DACH1: variants seen among roughly 807,000 people sequenced by gnomAD.
The protein encoded by DACH1 is dachshund family transcription factor 1.
Under a neutral mutation model 54.2 loss-of-function variants are expected in DACH1, and 12 were observed. That is an observed-to-expected ratio of 0.22 (90% CI 0.14 to 0.36). DACH1 has a LOEUF of 0.36. DACH1 is among the 10% of genes least tolerant of loss of function. DACH1 has a pLI of 1.00. For missense variants in DACH1, 805 were observed against 929.8 expected, an observed-to-expected ratio of 0.87 and a Z score of 1.75; for synonymous variants, 386 against 366.2, an observed-to-expected ratio of 1.05 and a Z score of -0.62.
chr13:71,717,507 C>CACACAA (rs1883030942), intron 1 of DACH1, among the ~76,000 whole-genome samples: 1 of 29,206 alleles, frequency 3.4e-5, no homozygotes, highest in Non-Finnish European at 2.5e-4. Flanking sequence ...TGTGTAATCA[C>CACACAA]ACACACACAC....
At chr13:71,718,503 G>A (rs1883085317) in intron 1 of DACH1, among the ~76,000 whole-genome samples, 1 of 147,294 alleles carries the variant, frequency 6.8e-6, no homozygotes, top group Non-Finnish European at 1.5e-5. Context: ...TTGTGTCAGG[G>A]AAATCCAAAA....
intron 2 of DACH1, among the ~76,000 whole-genome samples, chr13:71,644,773 A>T (rs1566402285): frequency 6.6e-6 from 1 of 152,120 alleles, no homozygotes. Context: ...TCTGAACATG[A>T]TGGCTGCTTA....
chr13:71,529,823 A>C (rs190409665), intron 6 of DACH1, among the ~76,000 whole-genome samples: 13 of 152,314 alleles, frequency 8.5e-5, no homozygotes, highest in African/African-American at 3.1e-4. Context: ...GATAAGATCC[A>C]AAGTAACTGA....
At chr13:71,510,343 T>C (rs1035654256) in intron 6 of DACH1, among the ~76,000 whole-genome samples, 4 of 152,036 alleles carry the variant, frequency 2.6e-5, no homozygotes, top group African/African-American at 4.8e-5. Flanking sequence ...ACCTTTTGCC[T>C]GAAGTGCCCT....
intron 1 of DACH1, among the ~76,000 whole-genome samples, chr13:71,747,472 T>G (rs192041756): frequency 6.6e-6 from 1 of 152,168 alleles, no homozygotes; most frequent in Admixed American, 6.5e-5. Flanking sequence ...TCCCAGCTAC[T>G]AGGAAGGCTG....
At chr13:71,715,589 A>G (rs1882930239) in intron 1 of DACH1, among the ~76,000 whole-genome samples, 1 of 152,020 alleles carries the variant, frequency 6.6e-6, no homozygotes, top group Non-Finnish European at 1.5e-5. Flanking sequence ...TATTATACAG[A>G]AATTTTAACA....
At chr13:71,839,322 C>T (rs9542757) in intron 1 of DACH1, among the ~76,000 whole-genome samples, 49,400 of 151,914 alleles carry the variant, frequency 0.33, 9,682 homozygotes, top group African/African-American at 0.54. Flanking sequence ...CATTATTTTA[C>T]GGTTAAAACT....
chr13:71,590,863 G>A (rs1593947614), intron 3 of DACH1, among the ~76,000 whole-genome samples: 1 of 138,310 alleles, frequency 7.2e-6, no homozygotes, highest in African/African-American at 2.7e-5. Flanking sequence ...CTCTGTCTCT[G>A]TCTCTCTCTT....
intron 10 of DACH1, among the ~76,000 whole-genome samples, chr13:71,452,187 T>C (rs1875121416): frequency 6.6e-6 from 1 of 152,188 alleles, no homozygotes; most frequent in Admixed American, 6.5e-5. Context: ...TGGAGTGCAA[T>C]GGCACTATCT....
rs559350762 is a variant in DACH1 at position 71,475,946 on chromosome 13, G to A, written c.1871-97C>T. 5 of 942,160 alleles carry A rather than the reference G, an allele frequency of 5.3e-6. No individual in the cohort carries two copies. In the South Asian group the frequency reaches 1.4e-4, roughly 25 times the overall value. 58.4% of individuals were successfully genotyped at this position (942,160 alleles called of 1,614,324 possible). On this transcript the variant is annotated intron_variant, in intron 8 of 10. Transcript: ENST00000613252. ...CTATATTTTTTATATTATTCATTTT[G>A]TTTTCCTGCTGAACTGAGTCTACCT... is the stretch of plus-strand genomic sequence containing the variant.
chr13:71,712,153 C>A (rs976272350), intron 1 of DACH1, among the ~76,000 whole-genome samples: 4 of 151,718 alleles, frequency 2.6e-5, no homozygotes, highest in Non-Finnish European at 5.9e-5. Flanking sequence ...CTAAAATGAC[C>A]CATAATGTCT....
intron 3 of DACH1, among the ~76,000 whole-genome samples, chr13:71,616,517 G>T (rs947855896): frequency 6.6e-6 from 1 of 152,080 alleles, no homozygotes; most frequent in African/African-American, 2.4e-5. Context: ...GAGTCCAAGA[G>T]GGGAGGATCG....
intron 1 of DACH1, among the ~76,000 whole-genome samples, chr13:71,780,882 C>T (rs1273139120): frequency 6.6e-6 from 1 of 152,078 alleles, no homozygotes; most frequent in South Asian, 2.1e-4. Context: ...GTCTGCAATC[C>T]CAGCATTTTG....
At chr13:71,846,974 C>T (rs1873319978) in intron 1 of DACH1, among the ~76,000 whole-genome samples, 1 of 152,092 alleles carries the variant, frequency 6.6e-6, no homozygotes, top group South Asian at 2.1e-4. Context: ...GGTCTGACCA[C>T]TCAATTTAAA....
At chr13:71,749,847 G>A (rs1212215907) in intron 1 of DACH1, among the ~76,000 whole-genome samples, 1 of 152,116 alleles carries the variant, frequency 6.6e-6, no homozygotes, top group African/African-American at 2.4e-5. Flanking sequence ...TTGAAAACAA[G>A]CATCATGAGG....
intron 7 of DACH1, among the ~76,000 whole-genome samples, chr13:71,487,752 G>A (rs2138200725): frequency 6.6e-6 from 1 of 152,260 alleles, no homozygotes; most frequent in East Asian, 1.9e-4. Flanking sequence ...ATAAGAAAAT[G>A]AATTATTCCT....
chr13:71,720,189 G>A (rs754597347), intron 1 of DACH1, among the ~76,000 whole-genome samples: 1 of 152,140 alleles, frequency 6.6e-6, no homozygotes, highest in African/African-American at 2.4e-5. Flanking sequence ...AGTGCAAAAG[G>A]CCTAAGTCTG....
chr13:71,741,889 T>A lies in DACH1; in HGVS notation c.849-59979A>T, dbSNP rs187147564. Among the ~76,000 whole-genome samples, 623 of 152,162 alleles carry A rather than the reference T, an allele frequency of 4.1e-3. 8 individuals are homozygous for A. The highest frequency in any genetic ancestry group is 0.014 in the African/African-American group (570 of 41,526). The stretch of plus-strand genomic sequence containing the variant: ...ATAATCCCTGAAAACAACACCTACG[T>A]ATAGTCACTTAAAGCAGAAAAAAAG... On this transcript the variant is annotated intron_variant, in intron 1 of 10. Coordinates refer to ENST00000613252, the MANE Select transcript of DACH1 (RefSeq NM_080759.6).
chr13:71,501,036 C>T (rs2138232720), intron 6 of DACH1, among the ~76,000 whole-genome samples: 1 of 152,266 alleles, frequency 6.6e-6, no homozygotes, highest in Non-Finnish European at 1.5e-5. Flanking sequence ...ATCAAAGAGT[C>T]TCTAAAATCC....
Sources: gnomAD v4.1 joint callset for allele counts (sites outside exome capture counted in the v4.1 genomes callset) on GRCh38, gnomAD v4.1.1 for gene constraint, MANE v1.5 for transcripts, NCBI Gene and HGNC (gene_info 2026-07-23, HGNC 2026-07-21) for gene names.